The following ARHGEF18 variants were observed in gnomAD, a reference collection of about 807,000 sequenced individuals.
ARHGEF18 encodes rho guanine nucleotide exchange factor 18.
A neutral mutation model predicts 155.7 loss-of-function variants in ARHGEF18; 93 were observed. That is an observed-to-expected ratio of 0.60 (90% CI 0.50 to 0.71). The LOEUF (loss-of-function observed/expected upper bound fraction) is 0.71, where lower values mean the gene tolerates loss of function less well. Among genes scored for constraint, ARHGEF18 ranks in the 30% least tolerant of loss-of-function variants. The probability of loss-of-function intolerance (pLI) is 0.00; values close to 1 mark genes in which losing one functional copy is unlikely to be tolerated. For synonymous variants in ARHGEF18, 742 were observed against 753.1 expected, an observed-to-expected ratio of 0.99 and a Z score of 0.24; for missense variants, 1,593 against 1,816.1, an observed-to-expected ratio of 0.88 and a Z score of 2.23.
In ARHGEF18 at chr19:7,367,753, A is replaced by AT. The variant is rs1412496535; in HGVS notation, c.15+4848_15+4849insT. On this transcript the variant is annotated intron_variant, in intron 2 of 28. Transcript: ENST00000668164. ...AAGAGTGAAACTCCATCTCAAAAAAAAAAAAATATATATATATATACACAT... is the reference window on the plus strand; with the variant it reads ...AAGAGTGAAACTCCATCTCAAAAAAATAAAAAATATATATATATATACACAT... Among the ~76,000 whole-genome samples, 13 of 42,562 alleles carry AT rather than the reference A, an allele frequency of 3.1e-4. 2 individuals carry two copies. The highest frequency in any genetic ancestry group is 1.5e-3 in the East Asian group (2 of 1,366). The allele number at this position is 42,562 out of a possible 152,430, so 27.9% of individuals were successfully genotyped here. A position where few individuals can be genotyped will look rare whatever the true frequency, so the allele number is the denominator to read the frequency against.
chr19:7,352,445 C>T (rs1007537187), intron 1 of ARHGEF18, among the ~76,000 whole-genome samples: 3 of 151,676 alleles, frequency 2.0e-5, no homozygotes, highest in African/African-American at 7.3e-5. Context: ...GTCTGCCTCC[C>T]ACTCACTCAA....
chr19:7,366,937 T>C (rs1392952134), intron 2 of ARHGEF18, among the ~76,000 whole-genome samples: 2 of 151,860 alleles, frequency 1.3e-5, no homozygotes, highest in Non-Finnish European at 2.9e-5. Flanking sequence ...TAGTTGTTTT[T>C]TTTTTTTAAA....
chr19:7,477,318 G>A (rs1487210164), downstream of ARHGEF18: 2 of 1,560,734 alleles, frequency 1.3e-6, no homozygotes, highest in East Asian at 2.4e-5. Context: ...CCGGCCCACA[G>A]CACGCCCCGG....
intron 26 of ARHGEF18, 103 bp from the exon 27 acceptor site, chr19:7,468,722 G>GTC: frequency 7.7e-7 from 1 of 1,290,476 alleles, no homozygotes; most frequent in Middle Eastern, 2.7e-4. Context: ...GCTCTGTCCA[G>GTC]AACAGGAGAG....
rs745464387 is a variant in ARHGEF18 at position 7,470,136 on chromosome 19, C to T, written c.3924C>T (p.Phe1308=). 1.2e-6 allele frequency: 2 copies of T among 1,612,232 alleles called. No individual in the cohort carries two copies. The highest frequency in any genetic ancestry group is 1.3e-5 in the African/African-American group (1 of 75,000). ...HSPAPPPDPG[F]PAPSPPPADS... ...CTCTCTCTGTTCCAGACCCTGGCTTCCCCGCCCCGAGCCCACCGCCAGCTG... is the reference window on the plus strand; with the variant it reads ...CTCTCTCTGTTCCAGACCCTGGCTTTCCCGCCCCGAGCCCACCGCCAGCTG... Residue 1308 remains phenylalanine, a synonymous_variant, in exon 29 of 29, where the codon TTC becomes TTT. Transcript: ENST00000668164. The surrounding 1 kb of genome is among the most constrained non-coding windows in gnomAD (Gnocchi z 5.9).
Position 7,463,693 on chromosome 19 carries a change from G to C in ARHGEF18, c.2636-125G>C, listed in dbSNP as rs1055098218. The C allele has an allele frequency of 5.0e-6, 6 of 1,200,068 alleles. No individual in the cohort carries two copies. In the African/African-American group the frequency reaches 9.3e-5, roughly 19 times the overall value. The allele number at this position is 1,200,068 out of a possible 1,614,324, so 74.3% of individuals were successfully genotyped here. A position where few individuals can be genotyped will look rare whatever the true frequency, so the allele number is the denominator to read the frequency against. ...GCTGAAATCCCACGGCACACAGAAG[G>C]GGGCAGGCGATCACCACCCCAGTGA... On this transcript the variant is annotated intron_variant, in intron 21 of 28. Transcript: ENST00000668164. The surrounding 1 kb of genome is among the most constrained non-coding windows in gnomAD (Gnocchi z 5.2).
chr19:7,379,781 C>T (rs764641777), intron 7 of ARHGEF18, among the ~76,000 whole-genome samples: 4 of 152,302 alleles, frequency 2.6e-5, no homozygotes, highest in African/African-American at 4.8e-5. Context: ...AATCCCAACA[C>T]TTTGGGAGGC....
chr19:7,468,753 G>T, intron 26 of ARHGEF18, 72 bp from the exon 27 acceptor site: 2 of 1,442,698 alleles, frequency 1.4e-6, no homozygotes, highest in South Asian at 1.4e-5. Context: ...TCCTGTGCAC[G>T]ACCCTCGGGG....
chr19:7,461,692 G>A (rs149521622), intron 20 of ARHGEF18, among the ~76,000 whole-genome samples: 202 of 152,268 alleles, frequency 1.3e-3, no homozygotes, highest in African/African-American at 4.6e-3. Flanking sequence ...ATTTCTTTTA[G>A]AGACAGGATC....
chr19:7,466,804 CAAAAAAAA>C (rs965666634), intron 23 of ARHGEF18, 106 bp from the exon 24 acceptor site: 61 of 495,996 alleles, frequency 1.2e-4, no homozygotes, highest in African/African-American at 7.7e-4. Flanking sequence ...AATTCCGTCT[CAAAAAAAA>C]AAAAAAAAAA....
intron 17 of ARHGEF18, among the ~76,000 whole-genome samples, chr19:7,456,084 G>T (rs117792764): frequency 0.023 from 3,578 of 152,344 alleles, 58 homozygotes; most frequent in Non-Finnish European, 0.039. Flanking sequence ...ATGGGCGGGA[G>T]CCCTGGTTTG....
chr19:7,458,930 C>A (rs78799901), intron 19 of ARHGEF18, among the ~76,000 whole-genome samples: 1 of 152,190 alleles, frequency 6.6e-6, no homozygotes, highest in South Asian at 2.1e-4. Flanking sequence ...CCTGCCATGG[C>A]GGGCTCTCTG....
intron 1 of ARHGEF18, among the ~76,000 whole-genome samples, chr19:7,359,742 TTGGAGTTCAATCTGTAAAAC>T (rs972395705): frequency 6.9e-6 from 1 of 145,200 alleles, no homozygotes; most frequent in Non-Finnish European, 1.6e-5. Flanking sequence ...GACACAAAGA[TTGGAGTTCAATCTGTAAAAC>T]TAGGATCAGA....
intron 20 of ARHGEF18, among the ~76,000 whole-genome samples, chr19:7,461,326 A>G (rs1029322035): frequency 1.3e-5 from 2 of 152,100 alleles, no homozygotes; most frequent in African/African-American, 4.8e-5. Flanking sequence ...AAGCAGGTGG[A>G]TCATTTGAGA....
chr19:7,384,570 G>A (rs1970898432), intron 10 of ARHGEF18, among the ~76,000 whole-genome samples: 1 of 152,200 alleles, frequency 6.6e-6, no homozygotes, highest in African/African-American at 2.4e-5. Flanking sequence ...GCTGGGGGTG[G>A]CTGTTGGTGG....
intron 10 of ARHGEF18, among the ~76,000 whole-genome samples, chr19:7,421,432 T>A (rs1973344989): frequency 1.3e-5 from 2 of 152,120 alleles, no homozygotes; most frequent in Admixed American, 1.3e-4. Flanking sequence ...CCCTCTTCTT[T>A]TCTGTTTCTG....
intron 10 of ARHGEF18, among the ~76,000 whole-genome samples, chr19:7,411,478 T>G (rs1238090048): frequency 1.3e-5 from 2 of 152,124 alleles, no homozygotes; most frequent in Non-Finnish European, 2.9e-5. Flanking sequence ...AGCTAAGTTT[T>G]GTATTTTTAG....
At chr19:7,456,041 A>G (rs1975804566) in intron 17 of ARHGEF18, among the ~76,000 whole-genome samples, 1 of 152,250 alleles carries the variant, frequency 6.6e-6, no homozygotes, top group African/African-American at 2.4e-5. Flanking sequence ...GTGTTGTTAC[A>G]GCAAAGAGAA....
intron 10 of ARHGEF18, among the ~76,000 whole-genome samples, chr19:7,396,099 GTT>G (rs891733113): frequency 1.3e-5 from 2 of 152,128 alleles, no homozygotes; most frequent in Non-Finnish European, 2.9e-5. Flanking sequence ...GCAGTATTTG[GTT>G]TTCTTTTCCT....
Sources: allele counts gnomAD v4.1 joint callset (sites outside exome capture counted in the v4.1 genomes callset), GRCh38; gene constraint gnomAD v4.1.1; non-coding constraint Gnocchi (gnomAD v3.1); transcripts MANE v1.5; gene names NCBI Gene and HGNC (gene_info 2026-07-23, HGNC 2026-07-21).